The following CES5A variants were observed in gnomAD, a reference collection of about 807,000 sequenced individuals.
The protein encoded by CES5A is carboxylesterase 5A.
Under a neutral mutation model 62.9 loss-of-function variants are expected in CES5A, and 67 were observed. That is an observed-to-expected ratio of 1.07 (90% CI 0.88 to 1.31). The LOEUF is 1.31. CES5A is among the 50% of genes most tolerant of loss of function. The probability of loss-of-function intolerance (pLI) is 0.00; values close to 1 mark genes in which losing one functional copy is unlikely to be tolerated. For synonymous variants in CES5A, 296 were observed against 280.8 expected (o/e 1.05, Z -0.54); for missense variants, 748 against 708.5 (o/e 1.06, Z -0.63).
In CES5A at chr16:55,911,920, T is replaced by A. The variant is rs567302368; in HGVS notation, c.-256+13403A>T. Among the ~76,000 whole-genome samples, 8 of 152,306 alleles carry A rather than the reference T, an allele frequency of 5.3e-5. No individual in the cohort carries two copies. The East Asian group carries it at 1.5e-3, about 29-fold the overall frequency. ...GGGCTGCCAGGGAGAGGGATGTGTA[T>A]TCTTTGGTCTAGTTGAATTCAGAGC... On this transcript the variant is annotated intron_variant, in intron 1 of 12. Coordinates refer to the CES5A transcript ENST00000518005.
At chr16:55,851,300 CA>C (rs2033128516) in intron 10 of CES5A, among the ~76,000 whole-genome samples, 1 of 152,028 alleles carries the variant, frequency 6.6e-6, no homozygotes, top group Non-Finnish European at 1.5e-5. Context: ...AACTCAGCAA[CA>C]AAAAACAACT....
In CES5A at chr16:55,863,343, C is replaced by T. The variant is rs565417887; in HGVS notation, c.810+5G>A. Reference sequence around the variant, plus strand: ...AAGGTGGCAAGGTGTTAACAGTATACGTACGTCCTCACTCTTCTCATAATC... The same window carrying T: ...AAGGTGGCAAGGTGTTAACAGTATATGTACGTCCTCACTCTTCTCATAATC... On this transcript the variant is annotated splice_donor_5th_base_variant and intron_variant, in intron 6 of 12. Transcript: ENST00000290567. The T allele has an allele frequency of 1.5e-5, 21 of 1,429,858 alleles. No homozygotes were observed. The highest frequency in any genetic ancestry group is 1.8e-4 in the Middle Eastern group (1 of 5,652). The allele number at this position is 1,429,858 out of a possible 1,614,324, so 88.6% of individuals were successfully genotyped here.
chr16:55,872,847 G>A (rs1026230020), intron 2 of CES5A, among the ~76,000 whole-genome samples: 2 of 152,068 alleles, frequency 1.3e-5, no homozygotes, highest in Non-Finnish European at 2.9e-5. Context: ...TACTGTTTAC[G>A]TTCCTGCCAC....
At chr16:55,893,499 A>C (rs1338465469) in intron 1 of CES5A, among the ~76,000 whole-genome samples, 1 of 152,188 alleles carries the variant, frequency 6.6e-6, no homozygotes, top group Non-Finnish European at 1.5e-5. Context: ...ATAAATGGAA[A>C]TATGAAGAAT....
At chr16:55,847,414 C>T (rs111922842) in intron 11 of CES5A, among the ~76,000 whole-genome samples, 4,565 of 152,052 alleles carry the variant, frequency 0.03, 241 homozygotes, top group African/African-American at 0.1. Flanking sequence ...CCTCTCTCCT[C>T]CCACACACAT....
intron 1 of CES5A, among the ~76,000 whole-genome samples, chr16:55,886,253 A>G (rs763083483): frequency 3.3e-5 from 5 of 152,228 alleles, no homozygotes; most frequent in Non-Finnish European, 7.3e-5. Context: ...AGCTGAGGTA[A>G]AGACATACAT....
chr16:55,872,938 T>G (rs1161521731), intron 2 of CES5A, among the ~76,000 whole-genome samples: 1 of 152,184 alleles, frequency 6.6e-6, no homozygotes, highest in East Asian at 1.9e-4. Context: ...GAGCCAGTTA[T>G]CAAGTTGGTT....
intron 1 of CES5A, among the ~76,000 whole-genome samples, chr16:55,897,035 C>A (rs144968713): frequency 6.6e-5 from 10 of 152,206 alleles, no homozygotes; most frequent in Admixed American, 2.0e-4. Context: ...CACCCCTAAA[C>A]TAACCCTCAT....
At chr16:55,934,953 G>T (rs2034356505) in intron 2 of CES5A, among the ~76,000 whole-genome samples, 1 of 152,016 alleles carries the variant, frequency 6.6e-6, no homozygotes, top group Non-Finnish European at 1.5e-5. Context: ...GTTTTGTTTT[G>T]TTTTTTTGAG....
At chr16:55,868,544 C>G (rs1426580731) in intron 4 of CES5A, among the ~76,000 whole-genome samples, 1 of 152,224 alleles carries the variant, frequency 6.6e-6, no homozygotes, top group African/African-American at 2.4e-5. Context: ...TTCCACAGCT[C>G]CATGGCCTCT....
At chr16:55,887,886 C>T (rs2033833154) in intron 1 of CES5A, among the ~76,000 whole-genome samples, 1 of 152,128 alleles carries the variant, frequency 6.6e-6, no homozygotes, top group Non-Finnish European at 1.5e-5. Flanking sequence ...TCCAGGGAAG[C>T]AAAGGCTTGC....
At chr16:55,937,144 G>A (rs114422836) in intron 2 of CES5A, among the ~76,000 whole-genome samples, 3,442 of 152,268 alleles carry the variant, frequency 0.023, 48 homozygotes, top group Non-Finnish European at 0.029. Context: ...AACTTAACAT[G>A]TCCTTCAAGA....
chr16:55,874,098 C>A, intron 1 of CES5A, 61 bp from the exon 2 acceptor site: 1 of 1,463,334 alleles, frequency 6.8e-7, no homozygotes, highest in Admixed American at 2.0e-5. Context: ...AATGGCCCAC[C>A]CAGTCTGGAG....
intron 1 of CES5A, among the ~76,000 whole-genome samples, chr16:55,920,113 A>G (rs1204190892): frequency 2.0e-5 from 3 of 152,164 alleles, no homozygotes; most frequent in East Asian, 3.9e-4. Flanking sequence ...AAAGATGAGG[A>G]TGAGATAGTT....
intron 1 of CES5A, among the ~76,000 whole-genome samples, chr16:55,923,223 T>A (rs1161657617): frequency 6.6e-6 from 1 of 150,940 alleles, no homozygotes; most frequent in Non-Finnish European, 1.5e-5. Flanking sequence ...AATTACAGAT[T>A]AACAAAATGA....
At chr16:55,852,499 C>A (rs1237712338) in intron 10 of CES5A, among the ~76,000 whole-genome samples, 1 of 152,086 alleles carries the variant, frequency 6.6e-6, no homozygotes, top group African/African-American at 2.4e-5. Flanking sequence ...GATTTAAAGT[C>A]GATTACTTTA....
upstream of CES5A, among the ~76,000 whole-genome samples, chr16:55,927,643 A>G (rs368696750): frequency 1.2e-4 from 18 of 152,318 alleles, no homozygotes; most frequent in African/African-American, 4.3e-4. Context: ...ATGCAGTACA[A>G]AGGGGATGCT....
At chr16:55,892,079 G>A (rs2033885882) in intron 1 of CES5A, among the ~76,000 whole-genome samples, 1 of 152,030 alleles carries the variant, frequency 6.6e-6, no homozygotes, top group Admixed American at 6.6e-5. Flanking sequence ...GAAAACATTT[G>A]CCATCTATTG....
At chr16:55,852,838 C>T in intron 10 of CES5A, 43 bp downstream of exon 10, 1 of 1,583,144 alleles carries the variant, frequency 6.3e-7, no homozygotes, top group South Asian at 1.1e-5. Context: ...GGCCACCAGC[C>T]TCACTGGGCT....
Sources: allele counts gnomAD v4.1 joint callset (sites outside exome capture counted in the v4.1 genomes callset), GRCh38; gene constraint gnomAD v4.1.1; transcripts MANE v1.5; gene names NCBI Gene and HGNC (gene_info 2026-07-23, HGNC 2026-07-21).